Variants in AGBL4 observed in about 807,000 individuals in gnomAD.
AGBL4 encodes the protein AGBL carboxypeptidase 4.
AGBL4 carries 58 observed loss-of-function variants against 66.4 expected under a neutral mutation model. That is an observed-to-expected ratio of 0.87 (90% CI 0.71 to 1.09). The LOEUF is 1.09. Among genes scored for constraint, AGBL4 ranks in the 50% least tolerant of loss-of-function variants. The pLI is 0.00. For synonymous variants in AGBL4, 234 were observed against 222.9 expected (o/e 1.05, Z -0.44); for missense variants, 579 against 631.0 (o/e 0.92, Z 0.88).
At chr1:49,613,456 G>A (rs1279460060) in intron 3 of AGBL4, among the ~76,000 whole-genome samples, 2 of 152,166 alleles carry the variant, frequency 1.3e-5, no homozygotes, top group African/African-American at 2.4e-5. Flanking sequence ...GGAGGTGAGC[G>A]GCAGGCAAGC....
intron 3 of AGBL4, among the ~76,000 whole-genome samples, chr1:49,621,866 T>C (rs928897858): frequency 6.6e-5 from 10 of 152,306 alleles, no homozygotes; most frequent in Admixed American, 5.9e-4. Flanking sequence ...TGTTAGTAAT[T>C]GACTGCCAAG....
intron 4 of AGBL4, among the ~76,000 whole-genome samples, chr1:49,230,363 C>A (rs966884464): frequency 1.3e-5 from 2 of 152,140 alleles, no homozygotes; most frequent in African/African-American, 4.8e-5. Context: ...TACCATACAC[C>A]CAAATGCCCT....
intron 1 of AGBL4, among the ~76,000 whole-genome samples, chr1:49,872,766 T>G (rs367999577): frequency 2.0e-5 from 3 of 152,104 alleles, no homozygotes; most frequent in African/African-American, 4.8e-5. Flanking sequence ...CTAAAACTTA[T>G]GTGACAAATA....
intron 3 of AGBL4, among the ~76,000 whole-genome samples, chr1:49,347,318 C>A (rs1439070118): frequency 7.5e-5 from 11 of 146,374 alleles, no homozygotes; most frequent in Non-Finnish European, 1.6e-4. Context: ...GTGGCACGAT[C>A]TCAGCTCACT....
chr1:48,861,055 A>C (rs1271764928), intron 6 of AGBL4, among the ~76,000 whole-genome samples: 1 of 152,236 alleles, frequency 6.6e-6, no homozygotes, highest in Non-Finnish European at 1.5e-5. Flanking sequence ...GCAGAAATAA[A>C]ACAAGAACAG....
intron 6 of AGBL4, among the ~76,000 whole-genome samples, chr1:48,689,219 A>AGAAAAGAAAAG (rs1553207683): frequency 7.1e-6 from 1 of 141,514 alleles, no homozygotes; most frequent in African/African-American, 3.1e-5. Flanking sequence ...AAAAAAAAAA[A>AGAAAAGAAAAG]AAAAGAAAAG....
intron 2 of AGBL4, among the ~76,000 whole-genome samples, chr1:49,761,933 A>G (rs1194635180): frequency 6.6e-6 from 1 of 152,120 alleles, no homozygotes; most frequent in Non-Finnish European, 1.5e-5. Flanking sequence ...GCTAAATAGT[A>G]TTCTATTGTG....
At chr1:49,377,167 C>A (rs1450303373) in intron 3 of AGBL4, among the ~76,000 whole-genome samples, 1 of 152,106 alleles carries the variant, frequency 6.6e-6, no homozygotes, top group African/African-American at 2.4e-5. Flanking sequence ...CACCTACTTT[C>A]CCCCATCTTG....
chr1:49,270,170 T>A (rs1477945068), intron 3 of AGBL4, among the ~76,000 whole-genome samples: 1 of 152,206 alleles, frequency 6.6e-6, no homozygotes, highest in Admixed American at 6.5e-5. Flanking sequence ...GCATGAATAT[T>A]CATATTGTTT....
chr1:49,831,518 A>G (rs1278163724), intron 2 of AGBL4, among the ~76,000 whole-genome samples: 1 of 152,208 alleles, frequency 6.6e-6, no homozygotes, highest in Non-Finnish European at 1.5e-5. Context: ...GGCTGACACA[A>G]TGGGGTTTTC....
chr1:48,934,623 C>A (rs1380424368), intron 5 of AGBL4, among the ~76,000 whole-genome samples: 1 of 152,072 alleles, frequency 6.6e-6, no homozygotes, highest in Non-Finnish European at 1.5e-5. Context: ...AATTCCTTAT[C>A]CCAGGAAAGG....
chr1:49,397,480 C>T (rs1242961248), intron 3 of AGBL4, among the ~76,000 whole-genome samples: 1 of 152,136 alleles, frequency 6.6e-6, no homozygotes, highest in Non-Finnish European at 1.5e-5. Flanking sequence ...ACTTGCAAGA[C>T]CTTACTTTAC....
chr1:48,633,536 C>G (rs1054741095), intron 9 of AGBL4, among the ~76,000 whole-genome samples: 4 of 152,124 alleles, frequency 2.6e-5, no homozygotes, highest in African/African-American at 9.7e-5. Context: ...CTCTGTGCAC[C>G]CTTTTGGACT....
chr1:49,685,813 T>C (rs1251600647), intron 3 of AGBL4, among the ~76,000 whole-genome samples: 5 of 152,210 alleles, frequency 3.3e-5, no homozygotes, highest in African/African-American at 1.2e-4. Context: ...GTCAAGTGCA[T>C]AGTTTGCAAA....
chr1:48,718,899 G>T (rs1375349742), intron 6 of AGBL4, among the ~76,000 whole-genome samples: 1 of 152,198 alleles, frequency 6.6e-6, no homozygotes, highest in Non-Finnish European at 1.5e-5. Context: ...GGCAGTGCCT[G>T]TTAGTGAGCT....
intron 1 of AGBL4, among the ~76,000 whole-genome samples, chr1:49,863,469 G>T (rs1211454260): frequency 6.6e-6 from 1 of 152,144 alleles, no homozygotes; most frequent in Non-Finnish European, 1.5e-5. Context: ...GCACAGCAAA[G>T]GATTCAATCA....
chr1:48,779,121 A>G (rs1645223954), intron 6 of AGBL4, among the ~76,000 whole-genome samples: 1 of 152,232 alleles, frequency 6.6e-6, no homozygotes, highest in Non-Finnish European at 1.5e-5. Context: ...ACTTCTGATA[A>G]TTCACAAGAT....
rs145240000 is a variant in AGBL4 at position 49,017,568 on chromosome 1, A to G, written c.594+28016T>C. Among the ~76,000 whole-genome samples the G allele has an allele frequency of 4.5e-4, 69 of 152,200 alleles. 1 individual carries two copies. In the South Asian group the frequency reaches 9.5e-3, roughly 21 times the overall value. On this transcript the variant is annotated intron_variant, in intron 5 of 13. Coordinates refer to ENST00000371839, the MANE Select transcript of AGBL4 (RefSeq NM_032785.4). ...AGATACAAAGTTCCCATCCATCTCT[A>G]TCTACTTCCAAAAAACCCTGATGGA...
intron 3 of AGBL4, among the ~76,000 whole-genome samples, chr1:49,338,402 C>A (rs1280731541): frequency 2.6e-5 from 4 of 152,332 alleles, no homozygotes; most frequent in African/African-American, 9.6e-5. Context: ...CTAAGTATTT[C>A]TTTCCTTCAT....
Sources: allele counts gnomAD v4.1 joint callset (sites outside exome capture counted in the v4.1 genomes callset), GRCh38; gene constraint gnomAD v4.1.1; transcripts MANE v1.5; gene names NCBI Gene and HGNC (gene_info 2026-07-23, HGNC 2026-07-21).